THRB: variants seen among roughly 807,000 people sequenced by gnomAD.
The protein encoded by THRB is thyroid hormone receptor beta.
A neutral mutation model predicts 47.8 loss-of-function variants in THRB; 12 were observed. The observed-to-expected ratio is 0.25, with a 90% CI of 0.16 to 0.41. The LOEUF (loss-of-function observed/expected upper bound fraction) is 0.41, where lower values mean the gene tolerates loss of function less well. Ranked by LOEUF, THRB falls within the 10% of genes least tolerant of loss-of-function variation. The probability of loss-of-function intolerance (pLI) is 1.00; values close to 1 mark genes in which losing one functional copy is unlikely to be tolerated. For missense variants in THRB, 348 were observed against 589.2 expected, an observed-to-expected ratio of 0.59 and a Z score of 4.24; for synonymous variants, 218 against 212.2, an observed-to-expected ratio of 1.03 and a Z score of -0.24.
chr3:24,274,718 G>A (rs1166104434), intron 3 of THRB, among the ~76,000 whole-genome samples: 1 of 152,052 alleles, frequency 6.6e-6, no homozygotes, highest in African/African-American at 2.4e-5. Flanking sequence ...ATCTTATTTG[G>A]TTCACTACCT....
chr3:24,216,175 T>C (rs1388886762), intron 4 of THRB, among the ~76,000 whole-genome samples: 1 of 152,206 alleles, frequency 6.6e-6, no homozygotes, highest in Non-Finnish European at 1.5e-5. Flanking sequence ...CTGAATCGTC[T>C]GGGTGATGCA....
At chr3:24,227,726 G>A (rs1314808785) in intron 4 of THRB, among the ~76,000 whole-genome samples, 1 of 152,160 alleles carries the variant, frequency 6.6e-6, no homozygotes, top group Non-Finnish European at 1.5e-5. Flanking sequence ...AGTTCTTGGA[G>A]CAATTTGTCC....
intron 2 of THRB, among the ~76,000 whole-genome samples, chr3:24,330,168 G>A (rs2061828969): frequency 6.6e-6 from 1 of 152,000 alleles, no homozygotes; most frequent in Non-Finnish European, 1.5e-5. Flanking sequence ...TTAGCCGGGC[G>A]CGGTGGCGGG....
chr3:24,343,867 G>C (rs1189708782), intron 1 of THRB, among the ~76,000 whole-genome samples: 1 of 146,072 alleles, frequency 6.8e-6, no homozygotes, highest in Non-Finnish European at 1.5e-5. Context: ...CCAGTGAATG[G>C]GTATATTTGG....
In THRB at chr3:24,167,735, A is replaced by G. The variant is rs1427055781; in HGVS notation, c.284-15245T>C. Among the ~76,000 whole-genome samples the G allele has an allele frequency of 2.6e-5, 4 of 152,078 alleles. No individual in the cohort carries two copies. The East Asian group carries it at 7.7e-4, about 29-fold the overall frequency. On this transcript the variant is annotated intron_variant, in intron 5 of 10. Transcript: ENST00000646209. ...CATTTCCTGGCTCCCTCTCTTTCTC[A>G]TTAAAGGCAGAAATCCAAGCAATTT...
At chr3:24,479,280 G>T (rs1388595633) in intron 1 of THRB, among the ~76,000 whole-genome samples, 2 of 152,170 alleles carry the variant, frequency 1.3e-5, no homozygotes, top group Non-Finnish European at 2.9e-5. Flanking sequence ...CCAGTCTGGG[G>T]GACAGAGCGA....
intron 1 of THRB, among the ~76,000 whole-genome samples, chr3:24,367,136 C>A (rs2064534697): frequency 6.6e-6 from 1 of 152,152 alleles, no homozygotes; most frequent in South Asian, 2.1e-4. Flanking sequence ...AGAGTTACTA[C>A]CTTCAAAGAA....
intron 5 of THRB, among the ~76,000 whole-genome samples, chr3:24,180,364 G>T (rs2683539): frequency 0.25 from 37,966 of 152,066 alleles, 5,029 homozygotes; most frequent in Admixed American, 0.33. Context: ...ATGATATTCT[G>T]ACTCAAATGC....
In THRB at chr3:24,356,399, C is replaced by G. The variant is rs189643477; in HGVS notation, c.-260-19028G>C. Among the ~76,000 whole-genome samples the G allele has an allele frequency of 2.4e-3, 368 of 152,186 alleles. 5 individuals carry two copies. The highest frequency in any genetic ancestry group is 6.3e-4 in the Non-Finnish European group (43 of 67,998). ...ATGATCTCTGAATTGTCTTTGCAGGCTCTTCTCCCCTTTTCTTAAGAATAG... is the reference window on the plus strand; with the variant it reads ...ATGATCTCTGAATTGTCTTTGCAGGGTCTTCTCCCCTTTTCTTAAGAATAG... On this transcript the variant is annotated intron_variant, in intron 1 of 10. Transcript: ENST00000646209.
At chr3:24,253,599 T>C (rs1463225905) in intron 3 of THRB, among the ~76,000 whole-genome samples, 2 of 152,172 alleles carry the variant, frequency 1.3e-5, no homozygotes, top group Non-Finnish European at 1.5e-5. Context: ...AGGCAGCAGA[T>C]ACTCTGCTCC....
intron 2 of THRB, among the ~76,000 whole-genome samples, chr3:24,325,274 A>T (rs923401448): frequency 8.5e-5 from 13 of 152,352 alleles, no homozygotes; most frequent in African/African-American, 3.1e-4. Context: ...CCCTGTTAAC[A>T]TTGATAACTA....
intron 7 of THRB, 102 bp downstream of exon 7, chr3:24,146,573 T>C: frequency 8.0e-7 from 1 of 1,251,144 alleles, no homozygotes; most frequent in Non-Finnish European, 1.2e-6. Flanking sequence ...CTTCTCTGTC[T>C]TCTTGGGTTC....
intron 4 of THRB, among the ~76,000 whole-genome samples, chr3:24,213,588 C>T (rs17014338): frequency 0.095 from 14,452 of 152,134 alleles, 1,879 homozygotes; most frequent in African/African-American, 0.3. Flanking sequence ...GACGACAATA[C>T]AATCAGATGT....
intron 4 of THRB, among the ~76,000 whole-genome samples, chr3:24,205,246 C>A (rs1345021535): frequency 1.3e-5 from 2 of 152,072 alleles, no homozygotes; most frequent in Non-Finnish European, 2.9e-5. Flanking sequence ...TTAAGGGCAG[C>A]CAGAGAGAAA....
At chr3:24,463,246 C>T (rs1348346771) in intron 1 of THRB, among the ~76,000 whole-genome samples, 1 of 152,166 alleles carries the variant, frequency 6.6e-6, no homozygotes, top group East Asian at 1.9e-4. Flanking sequence ...CACACCATCT[C>T]ATTTCTAAAT....
chr3:24,319,848 C>T (rs951233646), intron 2 of THRB, among the ~76,000 whole-genome samples: 3 of 152,150 alleles, frequency 2.0e-5, no homozygotes, highest in African/African-American at 4.8e-5. Flanking sequence ...AAGATCAGCA[C>T]CGAATAAAAG....
At chr3:24,198,745 A>G (rs181630441) in intron 4 of THRB, among the ~76,000 whole-genome samples, 1 of 152,184 alleles carries the variant, frequency 6.6e-6, no homozygotes, top group Admixed American at 6.5e-5. Context: ...AGTGTTCCCA[A>G]AATGAAGACT....
chr3:24,432,336 G>A (rs2070516956), intron 1 of THRB, among the ~76,000 whole-genome samples: 1 of 152,110 alleles, frequency 6.6e-6, no homozygotes, highest in African/African-American at 2.4e-5. Context: ...AATGGGTTAT[G>A]AGTCAACATA....
chr3:24,123,471 T>G (rs2032093762), intron 10 of THRB, among the ~76,000 whole-genome samples: 3 of 152,054 alleles, frequency 2.0e-5, no homozygotes, highest in African/African-American at 7.2e-5. Context: ...GGGGAACAAT[T>G]TTGAATTTTC....
Sources: gnomAD v4.1 joint callset for allele counts (sites outside exome capture counted in the v4.1 genomes callset) on GRCh38, gnomAD v4.1.1 for gene constraint, MANE v1.5 for transcripts, NCBI Gene and HGNC (gene_info 2026-07-23, HGNC 2026-07-21) for gene names.